Variants in SLC25A13 observed in about 807,000 individuals in gnomAD.
SLC25A13 encodes the protein solute carrier family 25 member 13.
A neutral mutation model predicts 85.5 loss-of-function variants in SLC25A13; 70 were observed. The ratio of observed to expected loss-of-function variants is 0.82; its 90% CI spans 0.68 to 1.00. The LOEUF (loss-of-function observed/expected upper bound fraction) is 1.00, where lower values mean the gene tolerates loss of function less well. Among genes scored for constraint, SLC25A13 ranks in the 50% least tolerant of loss-of-function variants. The probability of loss-of-function intolerance (pLI) is 0.00; values close to 1 mark genes in which losing one functional copy is unlikely to be tolerated. For missense variants in SLC25A13, 765 were observed against 819.8 expected (o/e 0.93, Z 0.82); for synonymous variants, 259 against 288.7 (o/e 0.90, Z 1.04).
At chr7:96,179,204 C>G (rs1471596551) in intron 11 of SLC25A13, among the ~76,000 whole-genome samples, 1 of 152,198 alleles carries the variant, frequency 6.6e-6, no homozygotes, top group African/African-American at 2.4e-5. Flanking sequence ...TGCAGTTTTT[C>G]ACCATAGTAC....
intron 1 of SLC25A13, among the ~76,000 whole-genome samples, chr7:96,319,958 C>G (rs977982154): frequency 6.6e-6 from 1 of 152,182 alleles, no homozygotes; most frequent in Non-Finnish European, 1.5e-5. Context: ...AGAAGTACAA[C>G]CAAAGAGTTG....
intron 4 of SLC25A13, among the ~76,000 whole-genome samples, chr7:96,233,769 A>G (rs75553279): frequency 2.8e-3 from 430 of 152,280 alleles, no homozygotes; most frequent in African/African-American, 9.6e-3. Context: ...CACCATCTGT[A>G]TTTTTCCCAT....
intron 3 of SLC25A13, among the ~76,000 whole-genome samples, chr7:96,235,134 A>G (rs1162582389): frequency 1.3e-5 from 2 of 152,244 alleles, no homozygotes; most frequent in Non-Finnish European, 2.9e-5. Flanking sequence ...CCATGAAGTT[A>G]CACACTAAAT....
intron 13 of SLC25A13, among the ~76,000 whole-genome samples, chr7:96,168,098 G>GGAAAAAAAAAAAAAAAAAAAAAAAA (rs1793836839): frequency 5.1e-5 from 1 of 19,694 alleles, no homozygotes; most frequent in Non-Finnish European, 1.3e-4. Flanking sequence ...AACTCTGTCT[G>GGAAAAAAAAAAAAAAAAAAAAAAAA]AAAAAAAAAA....
At chr7:96,315,652 C>T (rs1445907277) in intron 1 of SLC25A13, among the ~76,000 whole-genome samples, 3 of 152,108 alleles carry the variant, frequency 2.0e-5, no homozygotes, top group Non-Finnish European at 4.4e-5. Context: ...ACAGTGGAGC[C>T]ATAGATATTT....
chr7:96,148,265 A>G (rs953504384), intron 13 of SLC25A13, among the ~76,000 whole-genome samples: 4 of 152,132 alleles, frequency 2.6e-5, no homozygotes, highest in East Asian at 3.9e-4. Context: ...TGATACACCC[A>G]CAGGCTGGTG....
In SLC25A13 at chr7:96,121,772, T is replaced by C. The variant is rs368163332; in HGVS notation, c.1751-27A>G. 7.4e-6 allele frequency: 12 copies of C among 1,613,428 alleles called. No individual in the cohort carries two copies. Among genetic ancestry groups the C allele is most frequent in the African/African-American group, 2.7e-5 (2 of 74,880 alleles). On this transcript the variant is annotated intron_variant, in intron 16 of 17. Coordinates refer to ENST00000265631, the MANE Select transcript of SLC25A13 (RefSeq NM_014251.3). ...TTTAAAAAAATGGAGAAATCACAGA[T>C]ATAATTAGATATTTTAAAAATTTAC...
At chr7:96,156,474 C>A (rs1793267993) in intron 13 of SLC25A13, among the ~76,000 whole-genome samples, 1 of 150,750 alleles carries the variant, frequency 6.6e-6, no homozygotes, top group Non-Finnish European at 1.5e-5. Flanking sequence ...TTTTTTGAGA[C>A]AGAATCTCCG....
At chr7:96,183,502 G>A (rs1794499345) in intron 11 of SLC25A13, among the ~76,000 whole-genome samples, 1 of 152,192 alleles carries the variant, frequency 6.6e-6, no homozygotes, top group African/African-American at 2.4e-5. Context: ...TAAAGCAGCT[G>A]AGTTTGAACT....
intron 3 of SLC25A13, among the ~76,000 whole-genome samples, chr7:96,258,891 A>G (rs944301192): frequency 2.0e-5 from 3 of 152,206 alleles, no homozygotes; most frequent in African/African-American, 7.2e-5. Context: ...GACAGAATAG[A>G]AGCCTCAGAA....
At chr7:96,302,060 A>C (rs529706022) in intron 1 of SLC25A13, among the ~76,000 whole-genome samples, 13 of 152,346 alleles carry the variant, frequency 8.5e-5, no homozygotes, top group Admixed American at 8.5e-4. Context: ...CACAGGAGCA[A>C]AATTTGAGAA....
chr7:96,321,875 C>T, intron 1 of SLC25A13, 67 bp downstream of exon 1: 1 of 1,482,478 alleles, frequency 6.7e-7, no homozygotes, highest in Non-Finnish European at 9.0e-7. Flanking sequence ...ACGTGAGCGC[C>T]CGAGCCTCTC....
At chr7:96,292,479 G>A (rs1223532807) in intron 2 of SLC25A13, among the ~76,000 whole-genome samples, 2 of 152,282 alleles carry the variant, frequency 1.3e-5, no homozygotes, top group East Asian at 3.9e-4. Flanking sequence ...AGGAAAAGAG[G>A]AAGTCAAATT....
chr7:96,192,968 A>T (rs1190879469), intron 6 of SLC25A13, 69 bp downstream of exon 6: 1 of 1,530,398 alleles, frequency 6.5e-7, no homozygotes, highest in Non-Finnish European at 9.0e-7. Flanking sequence ...TACATAACTT[A>T]TAAGAATTGT....
At chr7:96,268,955 T>A (rs1263238962) in intron 3 of SLC25A13, among the ~76,000 whole-genome samples, 1 of 152,226 alleles carries the variant, frequency 6.6e-6, no homozygotes. Context: ...GTCTTCCCAA[T>A]TTCCCAGTCC....
chr7:96,204,137 G>A (rs1462585145), intron 5 of SLC25A13, among the ~76,000 whole-genome samples: 1 of 152,156 alleles, frequency 6.6e-6, no homozygotes, highest in Non-Finnish European at 1.5e-5. Context: ...TTACCATAGA[G>A]TAGGTTTATT....
intron 4 of SLC25A13, among the ~76,000 whole-genome samples, chr7:96,229,894 G>C (rs1454972692): frequency 6.6e-6 from 1 of 152,220 alleles, no homozygotes; most frequent in Non-Finnish European, 1.5e-5. Flanking sequence ...CTTGAAGTCA[G>C]TGAGACCAAG....
chr7:96,195,673 C>T (rs1795032442), intron 5 of SLC25A13, among the ~76,000 whole-genome samples: 1 of 152,158 alleles, frequency 6.6e-6, no homozygotes, highest in South Asian at 2.1e-4. Flanking sequence ...CTCCTATCAC[C>T]CATGCCCACC....
At chr7:96,249,435 A>AT (rs368701062) in intron 3 of SLC25A13, among the ~76,000 whole-genome samples, 43 of 152,334 alleles carry the variant, frequency 2.8e-4, no homozygotes, top group African/African-American at 9.9e-4. Flanking sequence ...GTGAATATAG[A>AT]TTTTCTGAAA....
Sources: gnomAD v4.1 joint callset for allele counts (sites outside exome capture counted in the v4.1 genomes callset) on GRCh38, gnomAD v4.1.1 for gene constraint, MANE v1.5 for transcripts, NCBI Gene and HGNC (gene_info 2026-07-23, HGNC 2026-07-21) for gene names.